The following RIMS2 variants were observed in gnomAD, a reference collection of about 807,000 sequenced individuals.
RIMS2 encodes the protein regulating synaptic membrane exocytosis protein 2.
RIMS2 carries 59 observed loss-of-function variants against 174.4 expected under a neutral mutation model. The observed-to-expected ratio is 0.34, with a 90% CI of 0.27 to 0.42. RIMS2 has a LOEUF of 0.42. Ranked by LOEUF, RIMS2 falls within the 10% of genes least tolerant of loss-of-function variation. The pLI is 1.00. For synonymous variants in RIMS2, 606 were observed against 572.5 expected, an observed-to-expected ratio of 1.06 and a Z score of -0.84; for missense variants, 1,620 against 1,666.3, an observed-to-expected ratio of 0.97 and a Z score of 0.48.
At chr8:104,044,654 C>A (rs753588253) in intron 19 of RIMS2, among the ~76,000 whole-genome samples, 12 of 151,582 alleles carry the variant, frequency 7.9e-5, no homozygotes, top group Non-Finnish European at 1.2e-4. Context: ...AATTTGAAGT[C>A]TTTCTTAACA....
intron 14 of RIMS2, among the ~76,000 whole-genome samples, chr8:103,960,236 C>T (rs573825869): frequency 2.0e-5 from 3 of 152,244 alleles, no homozygotes; most frequent in African/African-American, 7.2e-5. Flanking sequence ...AGCGTGTAGT[C>T]ACAATCTACT....
intron 3 of RIMS2, among the ~76,000 whole-genome samples, chr8:103,871,078 G>T (rs1291811476): frequency 6.6e-6 from 1 of 151,992 alleles, no homozygotes; most frequent in Non-Finnish European, 1.5e-5. Context: ...CAAATTCATT[G>T]TGCAAAGAAG....
intron 3 of RIMS2, among the ~76,000 whole-genome samples, chr8:103,876,909 T>TATATATATATATATAC (rs71297243): frequency 1.5e-4 from 10 of 66,098 alleles, no homozygotes; most frequent in Non-Finnish European, 3.6e-4. Context: ...TATATATATA[T>TATATATATATATATAC]ACACACACAC....
intron 3 of RIMS2, among the ~76,000 whole-genome samples, chr8:103,783,655 T>A (rs2098413807): frequency 6.6e-6 from 1 of 152,094 alleles, no homozygotes; most frequent in Admixed American, 6.6e-5. Flanking sequence ...ATTTTCTTAA[T>A]CCAGTCTATC....
At chr8:104,069,644 T>C (rs1429055991) in intron 19 of RIMS2, among the ~76,000 whole-genome samples, 1 of 151,702 alleles carries the variant, frequency 6.6e-6, no homozygotes, top group Non-Finnish European at 1.5e-5. Context: ...AATTTTTGTA[T>C]TTTTAGGAGA....
At chr8:103,745,530 G>C (rs2097801117) in intron 2 of RIMS2, among the ~76,000 whole-genome samples, 1 of 152,092 alleles carries the variant, frequency 6.6e-6, no homozygotes, top group Admixed American at 6.5e-5. Flanking sequence ...TTAAGTTTTT[G>C]AGGAACTACC....
intron 1 of RIMS2, among the ~76,000 whole-genome samples, chr8:103,511,946 T>C (rs779211800): frequency 1.4e-4 from 22 of 152,196 alleles, no homozygotes; most frequent in Non-Finnish European, 2.4e-4. Flanking sequence ...TGTGGCTCAC[T>C]GAGCTGTCTC....
intron 1 of RIMS2, among the ~76,000 whole-genome samples, chr8:103,609,538 A>G (rs1228548076): frequency 6.6e-6 from 1 of 152,178 alleles, no homozygotes; most frequent in East Asian, 1.9e-4. Context: ...TGGATATGGT[A>G]TAAAGAAGGG....
intron 3 of RIMS2, among the ~76,000 whole-genome samples, chr8:103,779,388 A>G (rs901402056): frequency 6.6e-6 from 1 of 152,102 alleles, no homozygotes; most frequent in African/African-American, 2.4e-5. Context: ...GGTCTTCAAT[A>G]TAAGTTTTTA....
intron 1 of RIMS2, among the ~76,000 whole-genome samples, chr8:103,597,112 A>C (rs1336617935): frequency 6.6e-6 from 1 of 152,204 alleles, no homozygotes; most frequent in Admixed American, 6.6e-5. Context: ...GATTAAGAAC[A>C]TATGCTTATT....
chr8:104,065,364 T>G (rs2097087375), intron 19 of RIMS2, among the ~76,000 whole-genome samples: 1 of 152,112 alleles, frequency 6.6e-6, no homozygotes, highest in Non-Finnish European at 1.5e-5. Flanking sequence ...TCTAAATTGC[T>G]TTTCATTCCA....
chr8:104,249,263 G>A (rs1190371696), intron 21 of RIMS2, among the ~76,000 whole-genome samples: 1 of 151,710 alleles, frequency 6.6e-6, no homozygotes, highest in Non-Finnish European at 1.5e-5. Context: ...TTATCAGCAG[G>A]AATCAAGACC....
chr8:103,747,402 C>T (rs920816672), intron 2 of RIMS2, among the ~76,000 whole-genome samples: 4 of 150,360 alleles, frequency 2.7e-5, no homozygotes, highest in African/African-American at 4.9e-5. Context: ...TTATTTGGAG[C>T]AAAACAGGAA....
chr8:103,904,679 A>T (rs1006461766), intron 4 of RIMS2, among the ~76,000 whole-genome samples: 1 of 152,008 alleles, frequency 6.6e-6, no homozygotes, highest in Non-Finnish European at 1.5e-5. Context: ...ATGTCACTGG[A>T]TTCTCTTTGC....
chr8:104,106,500 G>T (rs11991865), intron 19 of RIMS2, among the ~76,000 whole-genome samples: 35,185 of 151,892 alleles, frequency 0.23, 4,465 homozygotes, highest in East Asian at 0.58. Flanking sequence ...TGATTAATTT[G>T]CAGGTAAATA....
Position 103,889,962 on chromosome 8 carries a change from C to T in RIMS2, c.1624+3739C>T, listed in dbSNP as rs577583401. Reference sequence around the variant, plus strand: ...CTGTCCTTCACTATGTGATTTTGTTCTACCTTTTTAACCACTCTAGGTCTG... The same window carrying T: ...CTGTCCTTCACTATGTGATTTTGTTTTACCTTTTTAACCACTCTAGGTCTG... On this transcript the variant is annotated intron_variant, in intron 4 of 23. Coordinates refer to ENST00000504942, the Ensembl canonical transcript of RIMS2. Among the ~76,000 whole-genome samples the T allele has an allele frequency of 6.4e-4, 97 of 151,992 alleles. 1 individual carries two copies. Among genetic ancestry groups the T allele is most frequent in the Non-Finnish European group, 1.2e-4 (8 of 67,876 alleles).
chr8:103,914,550 A>G (rs543941699), intron 6 of RIMS2, among the ~76,000 whole-genome samples: 38 of 152,356 alleles, frequency 2.5e-4, no homozygotes, highest in Non-Finnish European at 5.4e-4. Context: ...ACTTAAGGAT[A>G]TAAGTCAATA....
chr8:103,703,014 GT>G (rs1244877440), intron 2 of RIMS2, among the ~76,000 whole-genome samples: 1 of 147,098 alleles, frequency 6.8e-6, no homozygotes, highest in African/African-American at 2.5e-5. Flanking sequence ...CAAGATCTCA[GT>G]TTGTCACCCA....
intron 19 of RIMS2, among the ~76,000 whole-genome samples, chr8:104,141,639 A>G (rs935653450): frequency 2.0e-5 from 3 of 152,222 alleles, no homozygotes; most frequent in Non-Finnish European, 4.4e-5. Context: ...TTGTCCCCAC[A>G]CATGTAGGCC....
Sources: gnomAD v4.1 joint callset for allele counts (sites outside exome capture counted in the v4.1 genomes callset) on GRCh38, gnomAD v4.1.1 for gene constraint, MANE v1.5 for transcripts, NCBI Gene and HGNC (gene_info 2026-07-23, HGNC 2026-07-21) for gene names.